The following TSPAN10 variants were observed in gnomAD, a reference collection of about 807,000 sequenced individuals.
TSPAN10 encodes the protein tetraspanin 10.
A neutral mutation model predicts 15.0 loss-of-function variants in TSPAN10; 11 were observed. The ratio of observed to expected loss-of-function variants is 0.73; its 90% CI spans 0.46 to 1.21. The LOEUF is 1.21. Among genes scored for constraint, TSPAN10 ranks in the 50% most tolerant of loss-of-function variants. TSPAN10 has a pLI of 0.00. For missense variants in TSPAN10, 486 were observed against 470.6 expected (o/e 1.03, Z -0.30); for synonymous variants, 241 against 226.2 (o/e 1.07, Z -0.59).
chr17:81,639,840 C>T (rs1473032702), upstream of TSPAN10, among the ~76,000 whole-genome samples: 5 of 152,010 alleles, frequency 3.3e-5, no homozygotes, highest in South Asian at 6.2e-4. Context: ...ATTAGCCGGG[C>T]GTGGTGGCGG....
chr17:81,644,919 T>C (rs1019516270), intron 1 of TSPAN10, 73 bp from the exon 3 acceptor site: 47 of 1,583,146 alleles, frequency 3.0e-5, no homozygotes, highest in Non-Finnish European at 3.9e-5. Context: ...CACCATGCTC[T>C]TCCCTGACCC....
In TSPAN10 at chr17:81,645,343, G is replaced by A; in HGVS notation, c.388G>A (p.Val130Met). The change falls in exon 2 of 3, where the codon GTG becomes ATG. Residue 130 changes from valine to methionine, a missense_variant. By Grantham distance (21) the Val-to-Met change is conservative (BLOSUM62 1). Transcript: ENST00000611590. Reference sequence around the variant, plus strand: ...GCTGGGGCTGGCACTGGGAGGGCTGGTGGTCAGCGCAGTGAGCCTGGCTGG... The same window carrying A: ...GCTGGGGCTGGCACTGGGAGGGCTGATGGTCAGCGCAGTGAGCCTGGCTGG... The A allele has an allele frequency of 6.4e-7, 1 of 1,574,262 alleles. No homozygotes were observed. The highest frequency in any genetic ancestry group is 1.2e-5 in the South Asian group (1 of 85,894).
intron 2 of TSPAN10, 51 bp downstream of exon 3, chr17:81,645,680 C>T (rs1368960806): frequency 6.2e-7 from 1 of 1,600,218 alleles, no homozygotes; most frequent in African/African-American, 1.3e-5. Context: ...TCGCAGAGGC[C>T]ACACACCCTT....
At chr17:81,643,387 G>A (rs1415855397) in intron 1 of TSPAN10, among the ~76,000 whole-genome samples, 1 of 97,072 alleles carries the variant, frequency 1.0e-5, no homozygotes. Context: ...CGAGGCGGGC[G>A]GATCACGAGG....
At chr17:81,647,777 C>CGT (rs2036274389) in intron 2 of TSPAN10, 124 bp from the exon 4 acceptor site, 3 of 1,012,560 alleles carry the variant, frequency 3.0e-6, no homozygotes, top group Non-Finnish European at 4.4e-6. Flanking sequence ...GGCGTATGCA[C>CGT]GTGTGTGCAT....
chr17:81,647,235 T>G (rs894719356), intron 2 of TSPAN10, among the ~76,000 whole-genome samples: 1 of 152,168 alleles, frequency 6.6e-6, no homozygotes, highest in Non-Finnish European at 1.5e-5. Flanking sequence ...CCACGTCTGC[T>G]GCTGGCCTCG....
chr17:81,645,769 A>G (rs572921497), intron 2 of TSPAN10, 140 bp downstream of exon 3: 10 of 1,111,270 alleles, frequency 9.0e-6, no homozygotes, highest in East Asian at 2.6e-5. Flanking sequence ...ACCCACATGT[A>G]CACGCATATC....
chr17:81,648,541 G>A (rs997093448), downstream of TSPAN10: 7 of 322,328 alleles, frequency 2.2e-5, no homozygotes, highest in African/African-American at 1.3e-4. Context: ...AGGAAATCCT[G>A]AAGCTGACCC....
chr17:81,648,066 C>A, exon 3 of TSPAN10: 1 of 1,588,210 alleles, frequency 6.3e-7, no homozygotes, highest in East Asian at 2.3e-5. Flanking sequence ...AGGGCTGCGG[C>A]CCGCCGCTCC....
upstream of TSPAN10, chr17:81,637,494 A>C (rs1011142822): frequency 3.0e-6 from 2 of 664,116 alleles, no homozygotes; most frequent in African/African-American, 3.6e-5. Flanking sequence ...TAAGAAAAAC[A>C]AACGAGTTTA....
chr17:81,647,666 C>T (rs2036272900), intron 2 of TSPAN10: 3 of 647,196 alleles, frequency 4.6e-6, no homozygotes, highest in South Asian at 1.8e-5. Context: ...ACACAGCCAC[C>T]ACCCCTACCT....
chr17:81,640,348 A>ATG (rs1491434163), upstream of TSPAN10, among the ~76,000 whole-genome samples: 1 of 122,122 alleles, frequency 8.2e-6, no homozygotes, highest in Non-Finnish European at 1.8e-5. Context: ...GAGACCTCAC[A>ATG]TGTTTTTTCT....
intron 2 of TSPAN10, chr17:81,647,545 T>G: frequency 1.8e-6 from 1 of 542,280 alleles, no homozygotes; most frequent in East Asian, 4.4e-5. Context: ...CCTCCCCTGC[T>G]CCAACTCTAC....
At chr17:81,642,584 T>G (rs2036188981) in intron 1 of TSPAN10, 136 bp downstream of exon 2, 2 of 893,790 alleles carry the variant, frequency 2.2e-6, no homozygotes, top group Non-Finnish European at 3.5e-6. Context: ...GAGATTGGGT[T>G]GAGGGGGGTG....
chr17:81,648,623 G>C (rs191707437), downstream of TSPAN10: 28 of 228,170 alleles, frequency 1.2e-4, no homozygotes, highest in Admixed American at 1.5e-3. Flanking sequence ...CCCTGGGGCC[G>C]CCACCCCTTC....
chr17:81,647,115 C>T (rs929598427), intron 2 of TSPAN10, among the ~76,000 whole-genome samples: 1 of 152,136 alleles, frequency 6.6e-6, no homozygotes, highest in Admixed American at 6.6e-5. Context: ...CCATTGGGAC[C>T]CAGCAGTGGC....
chr17:81,647,974 G>C (rs1410881542), exon 3 of TSPAN10: 2 of 1,611,444 alleles, frequency 1.2e-6, no homozygotes, highest in South Asian at 1.1e-5. Flanking sequence ...CCCCCGCGAA[G>C]ATGGAGCCTC....
upstream of TSPAN10, chr17:81,638,045 G>C (rs2036130500): frequency 8.6e-6 from 1 of 115,806 alleles, no homozygotes; most frequent in Admixed American, 9.8e-5. Flanking sequence ...CAATTACTGT[G>C]ACAGTTTTTT....
upstream of TSPAN10, among the ~76,000 whole-genome samples, chr17:81,639,812 A>G (rs190519842): frequency 2.3e-4 from 35 of 151,556 alleles, no homozygotes; most frequent in East Asian, 6.2e-3. Flanking sequence ...CCCTGTCTCT[A>G]TTAAAAATAA....
Sources: gnomAD v4.1 joint callset for allele counts (sites outside exome capture counted in the v4.1 genomes callset) on GRCh38, gnomAD v4.1.1 for gene constraint, MANE v1.5 for transcripts, NCBI Gene and HGNC (gene_info 2026-07-23, HGNC 2026-07-21) for gene names.